IFT80: variants seen among roughly 807,000 people sequenced by gnomAD.
IFT80 encodes intraflagellar transport protein 80 homolog.
Under a neutral mutation model 107.9 loss-of-function variants are expected in IFT80, and 79 were observed. The observed-to-expected ratio is 0.73, with a 90% CI of 0.61 to 0.88. IFT80 has a LOEUF of 0.88. IFT80 is among the 40% of genes least tolerant of loss of function. The pLI, the probability that IFT80 is intolerant of heterozygous loss-of-function variation, is 0.00. For synonymous variants in IFT80, 299 were observed against 300.9 expected (o/e 0.99, Z 0.07); for missense variants, 797 against 914.2 (o/e 0.87, Z 1.65).
At chr3:160,276,111 G>A (rs892314784) in intron 18 of IFT80, among the ~76,000 whole-genome samples, 2 of 151,858 alleles carry the variant, frequency 1.3e-5, no homozygotes, top group Non-Finnish European at 2.9e-5. Context: ...CGTGTGATCC[G>A]CCTGCCTCAG....
At chr3:160,345,736 C>G (rs1181995228) in intron 8 of IFT80, among the ~76,000 whole-genome samples, 1 of 146,478 alleles carries the variant, frequency 6.8e-6, no homozygotes, top group Non-Finnish European at 1.5e-5. Context: ...TTATCAGAGG[C>G]TGGGAAGGGT....
intron 19 of IFT80, among the ~76,000 whole-genome samples, 177 bp from the exon 20 acceptor site, chr3:160,258,812 C>T (rs961399560): frequency 6.6e-6 from 1 of 151,974 alleles, no homozygotes; most frequent in Non-Finnish European, 1.5e-5. Flanking sequence ...AGAAATAATG[C>T]TTGGCCAGGC....
intron 2 of IFT80, among the ~76,000 whole-genome samples, chr3:160,382,237 A>G (rs1712574486): frequency 6.6e-6 from 1 of 152,208 alleles, no homozygotes; most frequent in African/African-American, 2.4e-5. Context: ...ATCCTTTTCA[A>G]TCACATATTA....
chr3:160,307,564 T>C (rs181948644), intron 10 of IFT80, 99 bp downstream of exon 10: 128 of 782,036 alleles, frequency 1.6e-4, no homozygotes, highest in South Asian at 1.4e-3. Context: ...TTGAGAAAGT[T>C]AAGCTTAAAC....
rs557519395 is a variant in IFT80 at position 160,292,052 on chromosome 3, C to T, written c.1316-6184G>A. Among the ~76,000 whole-genome samples the T allele has an allele frequency of 5.3e-5, 8 of 152,328 alleles. No individual in the cohort carries two copies. The East Asian group carries it at 1.5e-3, about 29-fold the overall frequency. On this transcript the variant is annotated intron_variant, in intron 12 of 19. Transcript: ENST00000326448. Reference sequence around the variant, plus strand: ...TGCAGATGGCTATAGGGCAGATTCCCTCAGAGGAAGGCCCTACACATAGCT... The same window carrying T: ...TGCAGATGGCTATAGGGCAGATTCCTTCAGAGGAAGGCCCTACACATAGCT...
chr3:160,354,786 G>A (rs906690961), intron 8 of IFT80, among the ~76,000 whole-genome samples: 2 of 152,210 alleles, frequency 1.3e-5, no homozygotes, highest in Admixed American at 6.5e-5. Flanking sequence ...AGGTTCAAAA[G>A]CCAGTGTTCA....
At position 160,307,663 on chromosome 3, in the gene IFT80, G is replaced by A. The variant is rs144099135; in HGVS notation, c.1076C>T (p.Ser359Phe). The change falls in exon 10 of 20, where the codon TCC (serine) becomes TTC (phenylalanine). Residue 359 changes from serine (S) to phenylalanine (F), a missense_variant and splice_region_variant. Ser to Phe is a radical substitution (Grantham distance 155). Transcript: ENST00000326448. The stretch of plus-strand genomic sequence containing the variant: ...ATTTTAAGAAATGCAAGATGCTTAC[G>A]AGAACACGTAACATTGAAGAGACGT... ...VSTSLQCYVF[S>F]TKNWNTPIIF... 8.1e-3 allele frequency: 11,690 copies of A among 1,445,354 alleles called. 99 individuals are homozygous for A. The highest frequency in any genetic ancestry group is 0.038 in the Admixed American group (2,259 of 59,784). 89.5% of individuals were successfully genotyped at this position (1,445,354 alleles called of 1,614,324 possible).
intron 17 of IFT80, 29 bp downstream of exon 17, chr3:160,277,552 G>C: frequency 6.3e-6 from 10 of 1,576,504 alleles, no homozygotes; most frequent in Non-Finnish European, 8.7e-6. Flanking sequence ...AAAAACACAT[G>C]TACATATATG....
At position 160,319,882 on chromosome 3, in the gene IFT80, T is replaced by C. The variant is rs772283130; in HGVS notation, c.835A>G (p.Ile279Val). 95 of 1,612,616 alleles carry C rather than the reference T, an allele frequency of 5.9e-5. No individual in the cohort carries two copies. Among genetic ancestry groups the C allele is most frequent in the Non-Finnish European group, 7.7e-5 (91 of 1,179,230 alleles). Residue 279 changes from isoleucine to valine, a missense_variant, in exon 9 of 20, where the codon ATC becomes GTC. Physicochemically the swap from Ile to Val is conservative, Grantham distance 29. Transcript: ENST00000326448. ...GCTCCAGCAATCTGAGTGCCATCGATAGACCATGCAATATTAAATATGCTG... is the reference window on the plus strand; with the variant it reads ...GCTCCAGCAATCTGAGTGCCATCGACAGACCATGCAATATTAAATATGCTG... ...TGSIFNIAWSIDGTQIAGACG... is the reference protein window; with the variant it reads ...TGSIFNIAWSVDGTQIAGACG...
intron 8 of IFT80, among the ~76,000 whole-genome samples, chr3:160,352,416 A>G (rs1439827278): frequency 6.6e-6 from 1 of 152,188 alleles, no homozygotes; most frequent in Non-Finnish European, 1.5e-5. Context: ...CCTGCGTTAT[A>G]GTTTGCTATT....
At chr3:160,301,131 GA>G (rs1232094432) in intron 11 of IFT80, 85 bp from the exon 12 acceptor site, 16 of 1,240,754 alleles carry the variant, frequency 1.3e-5, no homozygotes, top group South Asian at 3.1e-5. Context: ...TTATCCTTGG[GA>G]AAAAAAATCT....
intron 6 of IFT80, among the ~76,000 whole-genome samples, chr3:160,365,654 A>G (rs1721813618): frequency 6.6e-6 from 1 of 152,112 alleles, no homozygotes; most frequent in Non-Finnish European, 1.5e-5. Context: ...AATCCTGTTA[A>G]GCTGATATTA....
intron 6 of IFT80, among the ~76,000 whole-genome samples, chr3:160,365,014 A>G (rs57727923): frequency 3.4e-5 from 4 of 116,108 alleles, no homozygotes; most frequent in Non-Finnish European, 6.7e-5. Flanking sequence ...AAAAAAAAAG[A>G]AAAAAAAACA....
At chr3:160,262,360 G>T (rs1186713737) in intron 19 of IFT80, among the ~76,000 whole-genome samples, 2 of 152,172 alleles carry the variant, frequency 1.3e-5, no homozygotes, top group African/African-American at 4.8e-5. Context: ...ATCAGGTGAG[G>T]TTTGTTCTAT....
At chr3:160,318,173 G>T (rs1289822517) in intron 9 of IFT80, among the ~76,000 whole-genome samples, 1 of 151,550 alleles carries the variant, frequency 6.6e-6, no homozygotes, top group Non-Finnish European at 1.5e-5. Context: ...ATGAGTACAT[G>T]GGGATTCAGT....
chr3:160,326,530 C>G (rs953111081), intron 8 of IFT80, among the ~76,000 whole-genome samples: 4 of 152,028 alleles, frequency 2.6e-5, no homozygotes, highest in Non-Finnish European at 5.9e-5. Flanking sequence ...ATACATGAAT[C>G]AATAAATGTG....
intron 8 of IFT80, among the ~76,000 whole-genome samples, chr3:160,350,402 C>T (rs1301665533): frequency 3.2e-5 from 4 of 123,724 alleles, no homozygotes; most frequent in Non-Finnish European, 6.7e-5. Context: ...GGTGACAGAG[C>T]AAGACTCTGT....
intron 5 of IFT80, 57 bp downstream of exon 5, chr3:160,375,755 A>C: frequency 2.5e-6 from 3 of 1,179,786 alleles, no homozygotes; most frequent in Non-Finnish European, 2.5e-6. Context: ...GGAAAACTTT[A>C]AGGCATTTTT....
At position 160,319,797 on chromosome 3, in the gene IFT80, T is replaced by A. The variant is rs1238389230; in HGVS notation, c.920A>T (p.Asn307Ile). 1 of 1,612,960 alleles carries A rather than the reference T, an allele frequency of 6.2e-7. No homozygotes were observed. Among genetic ancestry groups the A allele is most frequent in the Non-Finnish European group, 8.5e-7 (1 of 1,179,246 alleles). The change falls in exon 9 of 20, where the codon AAT becomes ATT. Residue 307 changes from asparagine (N) to isoleucine (I), a missense_variant. Transcript: ENST00000326448. ...HVVEQHWEWK[N>I]FQVTLTKRRA... The stretch of plus-strand genomic sequence containing the variant: ...TCTTTTCGTTAATGTTACTTGAAAA[T>A]TTTTCCACTCCCAATGTTGTTCCAC...
Sources: allele counts gnomAD v4.1 joint callset (sites outside exome capture counted in the v4.1 genomes callset), GRCh38; gene constraint gnomAD v4.1.1; transcripts MANE v1.5; gene names NCBI Gene and HGNC (gene_info 2026-07-23, HGNC 2026-07-21).